Variants in NEXN observed in about 807,000 individuals in gnomAD.
The protein encoded by NEXN is nexilin.
In NEXN, 65 loss-of-function variants were observed where a neutral mutation model predicts 92.6. That is an observed-to-expected ratio of 0.70 (90% confidence interval 0.57 to 0.86). The LOEUF is 0.86. Ranked by LOEUF, NEXN falls within the 40% of genes least tolerant of loss-of-function variation. The probability of loss-of-function intolerance (pLI) is 0.00; values close to 1 mark genes in which losing one functional copy is unlikely to be tolerated. For synonymous variants in NEXN, 254 were observed against 242.5 expected (o/e 1.05, Z -0.44); for missense variants, 778 against 771.1 (o/e 1.01, Z -0.11).
At chr1:77,930,378 C>G (rs182169703) in intron 9 of NEXN, among the ~76,000 whole-genome samples, 126 of 152,270 alleles carry the variant, frequency 8.3e-4, no homozygotes, top group African/African-American at 2.9e-3. Context: ...AGTTTTCCCC[C>G]CATTTTCACC....
At chr1:77,941,718 G>GACCTTTTTCAGTTAAGTGCTA (rs1369944932) in intron 11 of NEXN, 2 of 398,816 alleles carry the variant, frequency 5.0e-6, no homozygotes, top group Non-Finnish European at 9.4e-6. Flanking sequence ...ATAGCATTCT[G>GACCTTTTTCAGTTAAGTGCTA]ACCTTTTTCA....
rs1039473376 is a variant in NEXN, at chr1:77,942,986, G to A, written c.*157G>A. 3 of 1,011,614 alleles carry A rather than the reference G, an allele frequency of 3.0e-6. No individual in the cohort carries two copies. The highest frequency in any genetic ancestry group is 4.5e-6 in the Non-Finnish European group (3 of 672,198). The allele number at this position is 1,011,614 out of a possible 1,614,324, so 62.7% of individuals were successfully genotyped here. On this transcript the variant is annotated 3_prime_UTR_variant, in exon 13 of 13. Coordinates refer to ENST00000334785, the MANE Select transcript of NEXN (RefSeq NM_144573.4). ...ACTACATCCATCTTTTCTGTGGCGG[G>A]GCCAAAAAAGGAAACCAGGAGTGCC...
Position 77,942,706 on chromosome 1 carries a change from A to G in NEXN, c.1905A>G (p.Glu635=). ...ACTATCAATATATTGAAAGGGGAGAAACTTACTGCCTTTACTTACCAGAAA... is the reference window on the plus strand; with the variant it reads ...ACTATCAATATATTGAAAGGGGAGAGACTTACTGCCTTTACTTACCAGAAA... The part of the protein sequence containing the change: ...GEDYQYIERG[E]TYCLYLPETF... The change falls in exon 13 of 13, where the codon GAA becomes GAG. Residue 635 remains glutamate, a synonymous_variant. Transcript: ENST00000334785. 6.2e-7 allele frequency: 1 copy of G among 1,613,818 alleles called. No homozygotes were observed.
rs374878979 is a variant in NEXN, at chr1:77,942,534, G to T, written c.1733G>T (p.Arg578Ile). ...GSTAEDEEQT[R>I]SGAPWFKKPL... ...ACTGCTGAAGATGAAGAGCAAACCA[G>T]ATCAGGAGCTCCATGGTTCAAGAAG... is the stretch of plus-strand genomic sequence containing the variant. Residue 578 changes from arginine (R) to isoleucine (I), a missense_variant, in exon 13 of 13, where the codon AGA becomes ATA. Arg to Ile is a moderately conservative substitution (Grantham distance 97, BLOSUM62 -3). Transcript: ENST00000334785. The T allele has an allele frequency of 6.2e-7, 1 of 1,613,892 alleles. No individual in the cohort carries two copies. The highest frequency in any genetic ancestry group is 8.5e-7 in the Non-Finnish European group (1 of 1,179,804).
At chr1:77,900,391 C>T (rs1295031611) in intron 1 of NEXN, among the ~76,000 whole-genome samples, 1 of 152,106 alleles carries the variant, frequency 6.6e-6, no homozygotes, top group Non-Finnish European at 1.5e-5. Flanking sequence ...GGTATTATAG[C>T]ATTTACTACA....
intron 1 of NEXN, among the ~76,000 whole-genome samples, chr1:77,899,598 T>C (rs1027839700): frequency 1.3e-5 from 2 of 151,980 alleles, no homozygotes; most frequent in Non-Finnish European, 2.9e-5. Flanking sequence ...ACATGGCACA[T>C]GTATACATAT....
intron 1 of NEXN, among the ~76,000 whole-genome samples, chr1:77,912,003 C>G (rs547659912): frequency 6.6e-6 from 1 of 150,462 alleles, no homozygotes; most frequent in African/African-American, 2.4e-5. Context: ...TGCTTGAACC[C>G]GGGAGGCAGA....
chr1:77,919,442 A>G (rs1649244038), intron 5 of NEXN, among the ~76,000 whole-genome samples: 1 of 152,260 alleles, frequency 6.6e-6, no homozygotes, highest in African/African-American at 2.4e-5. Context: ...CTATACTTGC[A>G]TACTAAAGAA....
At chr1:77,920,451 T>A (rs1026656238) in intron 5 of NEXN, among the ~76,000 whole-genome samples, 3 of 151,880 alleles carry the variant, frequency 2.0e-5, no homozygotes, top group African/African-American at 7.3e-5. Context: ...GATTCTAGGA[T>A]CTTATAATGA....
At chr1:77,919,199 G>T (rs1280763722) in intron 5 of NEXN, among the ~76,000 whole-genome samples, 1 of 152,088 alleles carries the variant, frequency 6.6e-6, no homozygotes, top group Non-Finnish European at 1.5e-5. Flanking sequence ...AACAGGATGG[G>T]GGAAACCACC....
At position 77,926,692 on chromosome 1, in the gene NEXN, T is replaced by C. The variant is rs755972031; in HGVS notation, c.688-24T>C. 3.0e-5 allele frequency: 49 copies of C among 1,613,640 alleles called. 1 individual carries two copies. The highest frequency in any genetic ancestry group is 4.0e-5 in the Non-Finnish European group (47 of 1,179,926). Reference sequence around the variant, plus strand: ...AGCATTTTCCTTTATGACTAAAAGGTGGGTTTTCATAACGTTTTCTTAGGA... The same window carrying C: ...AGCATTTTCCTTTATGACTAAAAGGCGGGTTTTCATAACGTTTTCTTAGGA... On this transcript the variant is annotated intron_variant, in intron 7 of 12. Coordinates refer to ENST00000334785, the MANE Select transcript of NEXN (RefSeq NM_144573.4).
chr1:77,930,439 T>C (rs562248237), intron 9 of NEXN, among the ~76,000 whole-genome samples: 4 of 152,226 alleles, frequency 2.6e-5, no homozygotes, highest in Non-Finnish European at 5.9e-5. Context: ...GGCCAACTCC[T>C]CATTAACTTG....
intron 5 of NEXN, among the ~76,000 whole-genome samples, chr1:77,921,813 C>T (rs12126536): frequency 6.6e-6 from 1 of 151,722 alleles, no homozygotes. Context: ...TGGGAGGCTG[C>T]GGTGGGAGGA....
In NEXN at chr1:77,922,618, G is replaced by A. The variant is rs753991390; in HGVS notation, c.448-2570G>A. Among the ~76,000 whole-genome samples, 626 of 143,170 alleles carry A rather than the reference G, an allele frequency of 4.4e-3. 5 individuals are homozygous for A. The highest frequency in any genetic ancestry group is 0.022 in the Middle Eastern group (6 of 270). The allele number at this position is 143,170 out of a possible 152,430, so 93.9% of individuals were successfully genotyped here. A position where few individuals can be genotyped will look rare whatever the true frequency, so the allele number is the denominator to read the frequency against. On this transcript the variant is annotated intron_variant, in intron 5 of 12. Transcript: ENST00000334785. ...AAATTATTCTTTTTTTTTTTTTTGA[G>A]ACGGAGTCTCGCTCTGTTGCCCAGG...
At chr1:77,935,703 AG>A in intron 10 of NEXN, 119 bp from the exon 11 acceptor site, 1 of 808,366 alleles carries the variant, frequency 1.2e-6, no homozygotes, top group Non-Finnish European at 2.1e-6. Flanking sequence ...CTGTAGTCCC[AG>A]CTCCTTGGGA....
In NEXN at chr1:77,942,771, T is replaced by C; in HGVS notation, c.1970T>C (p.Val657Ala). The change falls in exon 13 of 13, where the codon GTC becomes GCC. Residue 657 changes from valine (V) to alanine (A), a missense_variant. Transcript: ENST00000334785. ...EDGGEYMCKA[V>A]NNKGSAASTC... The stretch of plus-strand genomic sequence containing the variant: ...GGAGGAGAGTATATGTGTAAAGCAG[T>C]CAACAATAAAGGATCTGCAGCTAGT... 6.2e-7 allele frequency: 1 copy of C among 1,613,248 alleles called. No homozygotes were observed. The highest frequency in any genetic ancestry group is 8.5e-7 in the Non-Finnish European group (1 of 1,179,572).
At chr1:77,907,227 A>G (rs999903873) in intron 1 of NEXN, among the ~76,000 whole-genome samples, 1 of 152,236 alleles carries the variant, frequency 6.6e-6, no homozygotes, top group Non-Finnish European at 1.5e-5. Flanking sequence ...TCAAATTCAC[A>G]CCTTTATCCT....
Position 77,942,866 on chromosome 1 carries a change from T to C in NEXN, c.*37T>C, listed in dbSNP as rs188638636. On this transcript the variant is annotated 3_prime_UTR_variant, in exon 13 of 13. Coordinates refer to ENST00000334785, the MANE Select transcript of NEXN (RefSeq NM_144573.4). The stretch of plus-strand genomic sequence containing the variant: ...ATCTTTTATTCTATTAATTTTTTTT[T>C]CCTTAAAATCACTTTTCTTCTTCTC... 211 of 1,559,914 alleles carry C rather than the reference T, an allele frequency of 1.4e-4. 1 individual carries two copies. Among genetic ancestry groups the C allele is most frequent in the East Asian group, 1.3e-3 (55 of 41,168 alleles).
chr1:77,907,036 G>C (rs185680782), intron 1 of NEXN, among the ~76,000 whole-genome samples: 4 of 152,192 alleles, frequency 2.6e-5, no homozygotes, highest in African/African-American at 9.6e-5. Flanking sequence ...TTAACTACTT[G>C]GCACATTACC....
Sources: gnomAD v4.1 joint callset for allele counts (sites outside exome capture counted in the v4.1 genomes callset) on GRCh38, gnomAD v4.1.1 for gene constraint, MANE v1.5 for transcripts, NCBI Gene and HGNC (gene_info 2026-07-23, HGNC 2026-07-21) for gene names.